Variants in ASTN2 observed in about 807,000 individuals in gnomAD.
The protein encoded by ASTN2 is astrotactin 2, also known as astrotactin-2.
Under a neutral mutation model 139.8 loss-of-function variants are expected in ASTN2, and 54 were observed. The ratio of observed to expected loss-of-function variants is 0.39; its 90% CI spans 0.31 to 0.48. The LOEUF (loss-of-function observed/expected upper bound fraction) is 0.48, where lower values mean the gene tolerates loss of function less well. Ranked by LOEUF, ASTN2 falls within the 20% of genes least tolerant of loss-of-function variation. The pLI is 0.95. For missense variants in ASTN2, 1,565 were observed against 1,725.1 expected (o/e 0.91, Z 1.64); for synonymous variants, 756 against 719.5 (o/e 1.05, Z -0.81).
chr9:116,842,580 T>G (rs1322354345), intron 11 of ASTN2, among the ~76,000 whole-genome samples: 1 of 151,976 alleles, frequency 6.6e-6, no homozygotes, highest in African/African-American at 2.4e-5. Context: ...AGCCTCAATC[T>G]GTCAACCAGG....
intron 19 of ASTN2, among the ~76,000 whole-genome samples, chr9:116,522,887 T>C (rs902752392): frequency 6.6e-6 from 1 of 152,168 alleles, no homozygotes; most frequent in African/African-American, 2.4e-5. Flanking sequence ...CTAAAGCAGC[T>C]GTGTGTTGGC....
At chr9:117,211,656 T>C (rs375606359) in intron 3 of ASTN2, among the ~76,000 whole-genome samples, 12 of 152,190 alleles carry the variant, frequency 7.9e-5, no homozygotes, top group African/African-American at 2.7e-4. Flanking sequence ...TAGTTCTTTA[T>C]AGCAGTGTGA....
chr9:116,907,081 A>G (rs1465697362), intron 10 of ASTN2, among the ~76,000 whole-genome samples: 2 of 152,184 alleles, frequency 1.3e-5, no homozygotes, highest in Non-Finnish European at 2.9e-5. Flanking sequence ...AGCTAGGACT[A>G]TGATTCCCTT....
Position 117,414,550 on chromosome 9 carries a change from C to G in ASTN2, c.389G>C (p.Arg130Pro). ...GTCCAGGTCGTCCTGCACCGCGATGCGCCCCGGCAGCTCGTTACGCACAAA... is the reference window on the plus strand; with the variant it reads ...GTCCAGGTCGTCCTGCACCGCGATGGGCCCCGGCAGCTCGTTACGCACAAA... ...LLFVRNELPG[R>P]IAVQDDLDNT... is the part of the protein sequence containing the mutation. Residue 130 changes from arginine (R) to proline (P), a missense_variant, in exon 1 of 23, where the codon CGC (arginine) becomes CCC (proline). Coordinates refer to ENST00000313400, the MANE Select transcript of ASTN2 (RefSeq NM_001365068.1). The surrounding 1 kb of genome is among the most constrained non-coding windows in gnomAD (Gnocchi z 4.2). The G allele has an allele frequency of 6.2e-7, 1 of 1,603,742 alleles. No homozygotes were observed. The highest frequency in any genetic ancestry group is 1.4e-5 in the African/African-American group (1 of 73,808).
At chr9:116,479,551 GC>G (rs1305138412) in intron 20 of ASTN2, among the ~76,000 whole-genome samples, 1 of 152,184 alleles carries the variant, frequency 6.6e-6, no homozygotes, top group Non-Finnish European at 1.5e-5. Context: ...GTCTGACAGT[GC>G]TGGGAAACAG....
chr9:116,915,404 A>G (rs1834415070), intron 10 of ASTN2, among the ~76,000 whole-genome samples: 1 of 152,080 alleles, frequency 6.6e-6, no homozygotes, highest in Admixed American at 6.6e-5. Flanking sequence ...CCTGACATAG[A>G]GCTCCCAAAA....
chr9:117,128,324 G>A (rs1470854947), intron 4 of ASTN2, among the ~76,000 whole-genome samples: 1 of 143,692 alleles, frequency 7.0e-6, no homozygotes, highest in African/African-American at 2.7e-5. Flanking sequence ...CAGTGGGCCA[G>A]ATCCCATCAC....
chr9:117,176,441 T>C (rs1830918829), intron 3 of ASTN2, among the ~76,000 whole-genome samples: 1 of 152,230 alleles, frequency 6.6e-6, no homozygotes, highest in Admixed American at 6.5e-5. Flanking sequence ...AAATCCGATG[T>C]ATACCACAAA....
intron 7 of ASTN2, among the ~76,000 whole-genome samples, chr9:116,982,952 C>T (rs972532957): frequency 6.6e-6 from 1 of 152,188 alleles, no homozygotes; most frequent in Admixed American, 6.5e-5. Context: ...CCCAGCAGCA[C>T]AGAGGAGCTC....
chr9:116,943,746 T>C (rs1188721571), intron 10 of ASTN2, among the ~76,000 whole-genome samples: 1 of 152,210 alleles, frequency 6.6e-6, no homozygotes, highest in Admixed American at 6.5e-5. Context: ...GTGCCTTAAA[T>C]GTGCTGGTCT....
At chr9:117,400,679 G>T (rs1441516023) in intron 1 of ASTN2, among the ~76,000 whole-genome samples, 2 of 152,160 alleles carry the variant, frequency 1.3e-5, no homozygotes, top group African/African-American at 4.8e-5. Context: ...GCCCCAGAAA[G>T]GATAGAGAAG....
chr9:116,556,445 G>A (rs1852620185), intron 19 of ASTN2, among the ~76,000 whole-genome samples: 1 of 152,092 alleles, frequency 6.6e-6, no homozygotes, highest in Non-Finnish European at 1.5e-5. Context: ...GGGCAACACA[G>A]CCAGACTCCA....
intron 16 of ASTN2, among the ~76,000 whole-genome samples, chr9:116,712,568 A>T (rs546966664): frequency 6.6e-6 from 1 of 152,312 alleles, no homozygotes; most frequent in African/African-American, 2.4e-5. Flanking sequence ...TCAGCTGGTT[A>T]TGCCACCTCC....
chr9:116,720,367 A>C (rs1828437866), intron 16 of ASTN2, among the ~76,000 whole-genome samples: 1 of 152,210 alleles, frequency 6.6e-6, no homozygotes, highest in Non-Finnish European at 1.5e-5. Context: ...TAAACTCAGG[A>C]GCAGTGCAAA....
chr9:116,847,452 GC>G (rs1337050896), intron 11 of ASTN2, among the ~76,000 whole-genome samples: 14 of 152,292 alleles, frequency 9.2e-5, no homozygotes, highest in African/African-American at 3.4e-4. Flanking sequence ...GGCAAGGGAG[GC>G]CAGGGAACAC....
intron 17 of ASTN2, among the ~76,000 whole-genome samples, chr9:116,648,158 C>A (rs803908): frequency 0.53 from 79,952 of 151,870 alleles, 22,168 homozygotes; most frequent in East Asian, 0.86. Flanking sequence ...CATGCCACCA[C>A]ACCCAACTAA....
chr9:116,585,558 GA>G (rs1854112753), intron 19 of ASTN2: 1 of 152,152 alleles, frequency 6.6e-6, no homozygotes, highest in African/African-American at 2.4e-5. Context: ...ACAAAAGTAA[GA>G]AATGAAGAAA....
At chr9:116,762,189 T>C (rs1240867792) in intron 13 of ASTN2, among the ~76,000 whole-genome samples, 1 of 152,248 alleles carries the variant, frequency 6.6e-6, no homozygotes, top group African/African-American at 2.4e-5. Context: ...CTCTAATCAT[T>C]ACTTTACTCT....
intron 11 of ASTN2, among the ~76,000 whole-genome samples, chr9:116,821,192 GAT>G (rs1831475173): frequency 6.6e-6 from 1 of 152,142 alleles, no homozygotes; most frequent in Non-Finnish European, 1.5e-5. Flanking sequence ...GAGGCTGCCA[GAT>G]ATATATTTAA....
Sources: gnomAD v4.1 joint callset for allele counts (sites outside exome capture counted in the v4.1 genomes callset) on GRCh38, gnomAD v4.1.1 for gene constraint, Gnocchi (gnomAD v3.1) non-coding constraint, MANE v1.5 for transcripts, NCBI Gene and HGNC (gene_info 2026-07-23, HGNC 2026-07-21) for gene names.